Variants in SHISA6 observed in about 807,000 individuals in gnomAD.
The protein encoded by SHISA6 is shisa family member 6.
In SHISA6, 22 loss-of-function variants were observed where a neutral mutation model predicts 47.9. That is an observed-to-expected ratio of 0.46 (90% confidence interval 0.33 to 0.66). SHISA6 has a LOEUF of 0.66. Among genes scored for constraint, SHISA6 ranks in the 30% least tolerant of loss-of-function variants. The pLI, the probability that SHISA6 is intolerant of heterozygous loss-of-function variation, is 0.02. For synonymous variants in SHISA6, 388 were observed against 337.8 expected (o/e 1.15, Z -1.63); for missense variants, 680 against 764.6 (o/e 0.89, Z 1.30).
chr17:11,440,987 C>G (rs1915079459), intron 3 of SHISA6, among the ~76,000 whole-genome samples: 1 of 151,760 alleles, frequency 6.6e-6, no homozygotes, highest in Non-Finnish European at 1.5e-5. Flanking sequence ...GAGAGGACAT[C>G]CATGGAAATG....
chr17:11,376,479 C>A (rs937752642), intron 2 of SHISA6, among the ~76,000 whole-genome samples: 5 of 152,190 alleles, frequency 3.3e-5, no homozygotes, highest in South Asian at 2.1e-4. Flanking sequence ...CCTGTGCCAC[C>A]ACACTTGGCT....
intron 3 of SHISA6, among the ~76,000 whole-genome samples, chr17:11,551,257 G>A (rs1462002506): frequency 1.3e-5 from 2 of 152,202 alleles, no homozygotes; most frequent in South Asian, 2.1e-4. Context: ...TGTTAATTGT[G>A]TGGCTTATTC....
chr17:11,415,641 G>T (rs2142276920), intron 3 of SHISA6, among the ~76,000 whole-genome samples: 1 of 152,280 alleles, frequency 6.6e-6, no homozygotes, highest in East Asian at 1.9e-4. Context: ...TATTAATGAG[G>T]TTGTTCATTC....
intron 1 of SHISA6, among the ~76,000 whole-genome samples, chr17:11,249,405 G>A (rs1446875252): frequency 2.0e-5 from 3 of 152,142 alleles, no homozygotes; most frequent in Non-Finnish European, 4.4e-5. Flanking sequence ...GCAAGCCACG[G>A]AAGCTCATTC....
chr17:11,444,871 G>A (rs1915189823), intron 3 of SHISA6, among the ~76,000 whole-genome samples: 1 of 152,158 alleles, frequency 6.6e-6, no homozygotes, highest in South Asian at 2.1e-4. Flanking sequence ...ATGGTCAGTT[G>A]TATACATCTG....
At chr17:11,548,302 C>G (rs1445598403) in intron 3 of SHISA6, among the ~76,000 whole-genome samples, 3 of 152,110 alleles carry the variant, frequency 2.0e-5, no homozygotes, top group African/African-American at 7.2e-5. Context: ...ATCCAAAAAA[C>G]AGATGCTTCA....
chr17:11,324,212 A>T (rs1910802138), intron 2 of SHISA6, among the ~76,000 whole-genome samples: 1 of 152,192 alleles, frequency 6.6e-6, no homozygotes, highest in Non-Finnish European at 1.5e-5. Context: ...TCAGACTGGC[A>T]CACGTAGGCT....
chr17:11,247,634 G>C (rs930938241), intron 1 of SHISA6, among the ~76,000 whole-genome samples: 2 of 152,074 alleles, frequency 1.3e-5, no homozygotes, highest in African/African-American at 4.8e-5. Flanking sequence ...GGTTGTGCTT[G>C]GGTGGAATAT....
chr17:11,371,685 G>T (rs80026070), intron 2 of SHISA6, among the ~76,000 whole-genome samples: 81 of 151,588 alleles, frequency 5.3e-4, no homozygotes, highest in Middle Eastern at 6.8e-3. Context: ...ATAAAATAAC[G>T]TTATTAGGTT....
Position 11,551,924 on chromosome 17 carries a change from G to A in SHISA6, c.924G>A (p.Leu308=), listed in dbSNP as rs1470558093. 3 of 1,551,538 alleles carry A rather than the reference G, an allele frequency of 1.9e-6. No homozygotes were observed. The highest frequency in any genetic ancestry group is 2.4e-5 in the South Asian group (2 of 84,056). ...ATCATCAATATAACCATCCGATTTT[G>A]AGCAGTGTTACCCAGATCCCGCCAC... ...KGDHQYNHPI[L]SSVTQIPPHE... is the part of the protein sequence containing the mutation. Residue 308 remains leucine (L), a synonymous_variant, in exon 4 of 6, where the codon TTG becomes TTA. Coordinates refer to ENST00000441885, the MANE Select transcript of SHISA6 (RefSeq NM_207386.4).
At chr17:11,459,921 G>A (rs1915653362) in intron 3 of SHISA6, among the ~76,000 whole-genome samples, 2 of 152,164 alleles carry the variant, frequency 1.3e-5, no homozygotes, top group African/African-American at 2.4e-5. Flanking sequence ...TGATAGGAGC[G>A]ATTGCTCATC....
At chr17:11,371,310 G>C (rs942889570) in intron 2 of SHISA6, among the ~76,000 whole-genome samples, 2 of 152,098 alleles carry the variant, frequency 1.3e-5, no homozygotes, top group Non-Finnish European at 2.9e-5. Flanking sequence ...GAACTGGAAG[G>C]AGCCCTGGGG....
At chr17:11,525,072 G>A (rs781350509) in intron 3 of SHISA6, among the ~76,000 whole-genome samples, 34 of 152,114 alleles carry the variant, frequency 2.2e-4, no homozygotes, top group Non-Finnish European at 4.7e-4. Flanking sequence ...GTTTCAGAAA[G>A]GAATTCAAAG....
At chr17:11,258,023 T>C (rs1908083856) in intron 1 of SHISA6, among the ~76,000 whole-genome samples, 1 of 152,246 alleles carries the variant, frequency 6.6e-6, no homozygotes, top group Admixed American at 6.5e-5. Flanking sequence ...ATATTCAGTA[T>C]ACTTAATTAG....
chr17:11,355,760 C>T (rs552963764), intron 2 of SHISA6, among the ~76,000 whole-genome samples: 1 of 152,280 alleles, frequency 6.6e-6, no homozygotes, highest in Non-Finnish European at 1.5e-5. Flanking sequence ...CTTGGGGTCC[C>T]CATCTGGGAT....
chr17:11,251,250 T>C (rs1907790383), intron 1 of SHISA6, among the ~76,000 whole-genome samples: 1 of 7,276 alleles, frequency 1.4e-4, no homozygotes, highest in South Asian at 0.1. Flanking sequence ...GTGACCTACC[T>C]ATGAGGGCTC....
At chr17:11,323,850 C>T (rs988520524) in intron 2 of SHISA6, among the ~76,000 whole-genome samples, 2 of 151,950 alleles carry the variant, frequency 1.3e-5, no homozygotes, top group Admixed American at 6.6e-5. Context: ...TCAGCTCTAC[C>T]TGAGCTTCCT....
At chr17:11,546,103 A>G (rs2071881354) in intron 3 of SHISA6, among the ~76,000 whole-genome samples, 1 of 152,200 alleles carries the variant, frequency 6.6e-6, no homozygotes, top group Admixed American at 6.5e-5. Context: ...TTTGGAAAAT[A>G]CAATATGCCC....
chr17:11,558,181 G>C lies in SHISA6; in HGVS notation c.1533G>C (p.Gln511His). ...ASNNSYATLG[Q>H]SQTAAKRHAF... is the part of the protein sequence containing the mutation. ...ATAACTCATACGCCACCCTGGGCCA[G>C]AGCCAGACGGCAGCCAAGCGTCATG... The change falls in exon 6 of 6, where the codon CAG becomes CAC. Residue 511 changes from glutamine (Q) to histidine (H), a missense_variant. By Grantham distance (24) the Gln-to-His change is conservative. Coordinates refer to ENST00000441885, the MANE Select transcript of SHISA6 (RefSeq NM_207386.4). 6.5e-7 allele frequency: 1 copy of C among 1,546,496 alleles called. No individual in the cohort carries two copies. The highest frequency in any genetic ancestry group is 1.4e-5 in the African/African-American group (1 of 73,198).
Sources: allele counts gnomAD v4.1 joint callset (sites outside exome capture counted in the v4.1 genomes callset), GRCh38; gene constraint gnomAD v4.1.1; transcripts MANE v1.5; gene names NCBI Gene and HGNC (gene_info 2026-07-23, HGNC 2026-07-21).